The following SLC25A17 variants were observed in gnomAD, a reference collection of about 807,000 sequenced individuals.
The protein encoded by SLC25A17 is solute carrier family 25 member 17, also known as peroxisomal membrane protein PMP34.
SLC25A17 carries 26 observed loss-of-function variants against 38.5 expected under a neutral mutation model. The observed-to-expected ratio is 0.68, with a 90% CI of 0.50 to 0.94. The LOEUF (loss-of-function observed/expected upper bound fraction) is 0.94. SLC25A17 is among the 40% of genes least tolerant of loss of function. The pLI is 0.00. For synonymous variants in SLC25A17, 139 were observed against 136.2 expected, an observed-to-expected ratio of 1.02 and a Z score of -0.14; for missense variants, 333 against 372.7, an observed-to-expected ratio of 0.89 and a Z score of 0.88.
At chr22:40,804,972 A>G (rs1197171999) in intron 1 of SLC25A17, among the ~76,000 whole-genome samples, 1 of 151,778 alleles carries the variant, frequency 6.6e-6, no homozygotes, top group African/African-American at 2.4e-5. Flanking sequence ...AAGGTGAGGA[A>G]AGAAAGAGAA....
chr22:40,797,849 C>A (rs2057444263), intron 2 of SLC25A17, among the ~76,000 whole-genome samples: 1 of 152,206 alleles, frequency 6.6e-6, no homozygotes, highest in South Asian at 2.1e-4. Context: ...TCCTCCGCAG[C>A]CAACAAATGC....
chr22:40,817,036 A>C (rs2057648310), intron 1 of SLC25A17, among the ~76,000 whole-genome samples: 2 of 152,242 alleles, frequency 1.3e-5, no homozygotes, highest in African/African-American at 4.8e-5. Context: ...AAGGTGTTTA[A>C]TGAACATTTA....
At chr22:40,776,906 G>C in intron 7 of SLC25A17, 134 bp downstream of exon 7, 1 of 786,734 alleles carries the variant, frequency 1.3e-6, no homozygotes, top group Non-Finnish European at 2.0e-6. Context: ...AAAAAGAAAA[G>C]AAAAAAAACA....
At chr22:40,801,385 C>T (rs770153438) in intron 1 of SLC25A17, among the ~76,000 whole-genome samples, 1 of 151,866 alleles carries the variant, frequency 6.6e-6, no homozygotes, top group Admixed American at 6.6e-5. Flanking sequence ...TCTTTCAGCA[C>T]ATATACTACA....
At chr22:40,773,245 T>A (rs564481581) in intron 8 of SLC25A17, among the ~76,000 whole-genome samples, 1 of 151,498 alleles carries the variant, frequency 6.6e-6, no homozygotes, top group Admixed American at 6.6e-5. Context: ...CCATCTCTAC[T>A]AAAAAATACA....
rs183635062 is a variant in SLC25A17, at chr22:40,782,849, A to G, written c.335-3724T>C. Among the ~76,000 whole-genome samples the G allele has an allele frequency of 8.2e-3, 1,247 of 152,298 alleles. 20 individuals are homozygous for G. Among genetic ancestry groups the G allele is most frequent in the Non-Finnish European group, 7.2e-3 (493 of 68,026 alleles). On this transcript the variant is annotated intron_variant, in intron 4 of 8. Coordinates refer to ENST00000435456, the MANE Select transcript of SLC25A17 (RefSeq NM_006358.4). ...ATTTCATAAAAATAAGTGTCTCTTCATTTATCTGTTAAGGTTCTGTTCCCA... is the reference window on the plus strand; with the variant it reads ...ATTTCATAAAAATAAGTGTCTCTTCGTTTATCTGTTAAGGTTCTGTTCCCA...
chr22:40,795,131 C>A (rs1446349905), intron 2 of SLC25A17, among the ~76,000 whole-genome samples: 1 of 152,130 alleles, frequency 6.6e-6, no homozygotes, highest in East Asian at 1.9e-4. Flanking sequence ...ATTTACCTCA[C>A]CTTTGAGCTC....
At position 40,770,960 on chromosome 22, in the gene SLC25A17, G is replaced by A; in HGVS notation, c.798C>T (p.Leu266=). ...GCAGTTTGGCTTCAAGGCCTTTGTA[G>A]AGTCCCATTATTCCAAAACGTCTAA... ...QRVRRFGIMG[L]YKGLEAKLLQ... Residue 266 remains leucine, a synonymous_variant, in exon 9 of 9, where the codon CTC becomes CTT. Transcript: ENST00000435456. 1 of 1,602,874 alleles carries A rather than the reference G, an allele frequency of 6.2e-7. No homozygotes were observed.
At chr22:40,792,730 G>T in intron 3 of SLC25A17, 54 bp from the exon 4 acceptor site, 1 of 1,589,000 alleles carries the variant, frequency 6.3e-7, no homozygotes, top group African/African-American at 1.3e-5. Context: ...TTAGAAATTG[G>T]CAGAGAAATC....
At chr22:40,816,609 G>GTTTTTTTTTTTTTTT (rs55809010) in intron 1 of SLC25A17, among the ~76,000 whole-genome samples, 1 of 137,970 alleles carries the variant, frequency 7.2e-6, no homozygotes, top group Non-Finnish European at 1.6e-5. Flanking sequence ...ATTTTTTATT[G>GTTTTTTTTTTTTTTT]TTTTTTTTTT....
intron 2 of SLC25A17, among the ~76,000 whole-genome samples, chr22:40,796,383 A>T (rs907213572): frequency 6.6e-6 from 1 of 152,134 alleles, no homozygotes; most frequent in Non-Finnish European, 1.5e-5. Flanking sequence ...TCACGCCTGT[A>T]ATCCCAGCAC....
intron 1 of SLC25A17, among the ~76,000 whole-genome samples, chr22:40,817,683 C>T (rs1912728115): frequency 6.6e-6 from 1 of 152,170 alleles, no homozygotes; most frequent in Non-Finnish European, 1.5e-5. Context: ...CATCATCTCT[C>T]GCCTGATAAT....
intron 7 of SLC25A17, chr22:40,776,189 C>T: frequency 2.8e-6 from 1 of 352,614 alleles, no homozygotes; most frequent in Non-Finnish European, 5.7e-6. Flanking sequence ...TGCTTGTTTA[C>T]CTGTTCATTC....
At chr22:40,793,367 T>C (rs1248188758) in intron 3 of SLC25A17, among the ~76,000 whole-genome samples, 3 of 152,214 alleles carry the variant, frequency 2.0e-5, no homozygotes, top group Non-Finnish European at 4.4e-5. Context: ...ATATTTGTAT[T>C]GTTTTGAAGT....
Position 40,792,652 on chromosome 22 carries a change from A to C in SLC25A17, c.207T>G (p.Phe69Leu). The C allele has an allele frequency of 6.2e-7, 1 of 1,614,128 alleles. No homozygotes were observed. Residue 69 changes from phenylalanine to leucine, a missense_variant, in exon 4 of 9, where the codon TTT (phenylalanine) becomes TTG (leucine). Phe to Leu is a conservative substitution (Grantham distance 22). Coordinates refer to ENST00000435456, the MANE Select transcript of SLC25A17 (RefSeq NM_006358.4). Reference sequence around the variant, plus strand: ...AGCAGCAGAGACTGGAAATCACTGGAAACCACCCTCGATATGGTGCCAGGC... The same window carrying C: ...AGCAGCAGAGACTGGAAATCACTGGCAACCACCCTCGATATGGTGCCAGGC... ...EGLLAPYRGW[F>L]PVISSLCCSN...
chr22:40,788,332 T>C (rs1488194424), intron 4 of SLC25A17, among the ~76,000 whole-genome samples: 6 of 152,206 alleles, frequency 3.9e-5, no homozygotes, highest in Non-Finnish European at 8.8e-5. Context: ...ATTGTACTGT[T>C]TAAACTAATT....
intron 4 of SLC25A17, among the ~76,000 whole-genome samples, chr22:40,785,481 T>C (rs1326492329): frequency 1.3e-5 from 2 of 152,046 alleles, no homozygotes; most frequent in Non-Finnish European, 2.9e-5. Context: ...GGCAAAGGAG[T>C]TATCCACATG....
chr22:40,777,261 A>G lies in SLC25A17; in HGVS notation c.564T>C (p.Gly188=). 1 of 1,614,176 alleles carries G rather than the reference A, an allele frequency of 6.2e-7. No individual in the cohort carries two copies. The highest frequency in any genetic ancestry group is 1.6e-4 in the Middle Eastern group (1 of 6,062). ...NPAIQFMFYE[G]LKRQLLKKRM... ...GTTTCTTTAAAAGCTGCCGTTTTAA[A>G]CCTTCATAAAACATGAACTGGATGG... Residue 188 remains glycine, a synonymous_variant, in exon 6 of 9, where the codon GGT becomes GGC. Coordinates refer to ENST00000435456, the MANE Select transcript of SLC25A17 (RefSeq NM_006358.4).
chr22:40,817,287 G>C (rs2057651219), intron 1 of SLC25A17: 1 of 152,382 alleles, frequency 6.6e-6, no homozygotes. Flanking sequence ...TTCACTCTTA[G>C]TTCTTAGCTT....
Sources: gnomAD v4.1 joint callset for allele counts (sites outside exome capture counted in the v4.1 genomes callset) on GRCh38, gnomAD v4.1.1 for gene constraint, MANE v1.5 for transcripts, NCBI Gene and HGNC (gene_info 2026-07-23, HGNC 2026-07-21) for gene names.